The following MALRD1 variants were observed in gnomAD, a reference collection of about 807,000 sequenced individuals.
MALRD1 encodes the protein MAM and LDL receptor class A domain containing 1.
A neutral mutation model predicts 242.1 loss-of-function variants in MALRD1; 247 were observed. That is an observed-to-expected ratio of 1.02 (90% CI 0.92 to 1.13). The LOEUF is 1.13. MALRD1 is among the 50% of genes most tolerant of loss of function. The pLI is 0.00. For synonymous variants in MALRD1, 995 were observed against 866.6 expected (o/e 1.15, Z -2.60); for missense variants, 2,989 against 2,533.1 (o/e 1.18, Z -3.86).
At chr10:19,707,315 T>G (rs1589426057) in intron 38 of MALRD1, among the ~76,000 whole-genome samples, 1 of 152,142 alleles carries the variant, frequency 6.6e-6, no homozygotes, top group South Asian at 2.1e-4. Context: ...TCACTTATGA[T>G]TTCACTTTAT....
At chr10:19,298,722 A>G (rs1388265988) in intron 21 of MALRD1, among the ~76,000 whole-genome samples, 1 of 152,044 alleles carries the variant, frequency 6.6e-6, no homozygotes, top group Admixed American at 6.6e-5. Flanking sequence ...GCTCAGCAGC[A>G]TGAGCGGGTG....
At position 19,211,684 on chromosome 10, in the gene MALRD1, C is replaced by CAAA. The variant is rs71387056; in HGVS notation, c.2991+2036_2991+2038dup. Among the ~76,000 whole-genome samples the CAAA allele has an allele frequency of 2.4e-3, 164 of 67,366 alleles. 4 individuals carry two copies. The highest frequency in any genetic ancestry group is 0.017 in the Middle Eastern group (1 of 58). The allele number at this position is 67,366 out of a possible 152,430, so 44.2% of individuals were successfully genotyped here. On this transcript the variant is annotated intron_variant, in intron 18 of 39. Coordinates refer to ENST00000454679, the MANE Select transcript of MALRD1 (RefSeq NM_001142308.3). ...CTGGGCAACAAAGCATGACTCCTCACAAAAAAAAAAAAAAAAAAAAAAAAA... is the reference window on the plus strand; with the variant it reads ...CTGGGCAACAAAGCATGACTCCTCACAAAAAAAAAAAAAAAAAAAAAAAAAAAA...
chr10:19,088,228 A>G, intron 4 of MALRD1, 43 bp downstream of exon 4: 10 of 1,227,826 alleles, frequency 8.1e-6, no homozygotes, highest in Non-Finnish European at 1.0e-5. Context: ...GAAGAAAAAT[A>G]AGATACAGAT....
intron 1 of MALRD1, among the ~76,000 whole-genome samples, chr10:19,055,995 A>G: frequency 6.6e-6 from 1 of 152,192 alleles, no homozygotes; most frequent in South Asian, 2.1e-4. Flanking sequence ...ACCTAAAATT[A>G]GAGTTAAAAA....
chr10:19,381,884 A>G (rs910971818), intron 26 of MALRD1, among the ~76,000 whole-genome samples: 49 of 152,112 alleles, frequency 3.2e-4, no homozygotes, highest in African/African-American at 1.1e-3. Flanking sequence ...ATTATAGAAC[A>G]AAAAGCAACA....
intron 14 of MALRD1, among the ~76,000 whole-genome samples, chr10:19,193,624 C>T (rs554926444): frequency 5.9e-5 from 9 of 152,170 alleles, no homozygotes; most frequent in African/African-American, 2.2e-4. Context: ...AATGCAATTG[C>T]ACTTGATTTG....
At position 19,530,437 on chromosome 10, in the gene MALRD1, TAA is replaced by T. The variant is rs1340125858; in HGVS notation, c.5321-756_5321-755del. On this transcript the variant is annotated intron_variant, in intron 31 of 39. Transcript: ENST00000454679. ...TATAATAATAAATATATAATATATA[TAA>T]TATATAATATATAATATATAATAAT... Among the ~76,000 whole-genome samples the T allele has an allele frequency of 4.8e-3, 189 of 39,518 alleles. 2 individuals are homozygous for T. Among genetic ancestry groups the T allele is most frequent in the African/African-American group, 0.011 (183 of 16,998 alleles). The allele number at this position is 39,518 out of a possible 152,430, so 25.9% of individuals were successfully genotyped here. A position where few individuals can be genotyped will look rare whatever the true frequency, so the allele number is the denominator to read the frequency against.
intron 31 of MALRD1, among the ~76,000 whole-genome samples, chr10:19,520,517 A>G (rs1192976136): frequency 6.6e-6 from 1 of 152,256 alleles, no homozygotes; most frequent in African/African-American, 2.4e-5. Flanking sequence ...CCATCAAAAA[A>G]GAAATCCAGG....
intron 21 of MALRD1, among the ~76,000 whole-genome samples, chr10:19,293,239 T>G (rs957991969): frequency 2.0e-5 from 3 of 152,128 alleles, no homozygotes; most frequent in African/African-American, 7.2e-5. Context: ...AAGCAAGTGG[T>G]GCAAACAGCT....
intron 36 of MALRD1, among the ~76,000 whole-genome samples, chr10:19,671,031 A>C (rs1428593196): frequency 6.6e-6 from 1 of 152,072 alleles, no homozygotes; most frequent in East Asian, 1.9e-4. Context: ...GGCACCCGCC[A>C]CCACGCCTGG....
intron 26 of MALRD1, among the ~76,000 whole-genome samples, chr10:19,356,079 G>C (rs928126661): frequency 7.9e-5 from 12 of 151,574 alleles, no homozygotes; most frequent in Middle Eastern, 3.5e-3. Context: ...AGGTCTTCTA[G>C]AAATGGCTCC....
intron 36 of MALRD1, among the ~76,000 whole-genome samples, chr10:19,672,549 G>A (rs1253500090): frequency 6.0e-5 from 9 of 151,054 alleles, no homozygotes; most frequent in African/African-American, 2.2e-4. Flanking sequence ...TCAGCTTCCC[G>A]AGTAGCTGGT....
At chr10:19,720,645 C>T (rs116901241) in intron 38 of MALRD1, among the ~76,000 whole-genome samples, 3,380 of 152,234 alleles carry the variant, frequency 0.022, 55 homozygotes, top group Non-Finnish European at 0.031. Flanking sequence ...TTTTCCTGTT[C>T]TCAGATTCCC....
intron 24 of MALRD1, among the ~76,000 whole-genome samples, chr10:19,341,516 GTATATATGTATATA>G (rs1564577236): frequency 3.0e-5 from 4 of 133,102 alleles, no homozygotes; most frequent in South Asian, 2.4e-4. Context: ...ATATATGTGT[GTATATATGTATATA>G]TATACACACA....
chr10:19,125,290 TTTCC>T (rs202203495), intron 7 of MALRD1, among the ~76,000 whole-genome samples: 12,287 of 66,930 alleles, frequency 0.18, 1,724 homozygotes, highest in African/African-American at 0.21. Flanking sequence ...TCTTTCTTTC[TTTCC>T]TTCCTTCCTT....
intron 26 of MALRD1, among the ~76,000 whole-genome samples, chr10:19,384,556 TTA>T (rs1245941222): frequency 8.3e-6 from 1 of 121,040 alleles, no homozygotes; most frequent in East Asian, 2.1e-4. Flanking sequence ...ATATTATATA[TTA>T]TATAGTGTAT....
At chr10:19,670,859 T>C (rs577827243) in intron 36 of MALRD1, among the ~76,000 whole-genome samples, 89 of 152,120 alleles carry the variant, frequency 5.9e-4, no homozygotes, top group African/African-American at 2.1e-3. Flanking sequence ...ATAATATCTT[T>C]ATTTCTCAAC....
At chr10:19,240,571 C>T (rs1838718329) in intron 18 of MALRD1, among the ~76,000 whole-genome samples, 1 of 152,002 alleles carries the variant, frequency 6.6e-6, no homozygotes, top group African/African-American at 2.4e-5. Flanking sequence ...TTTCTTTTGT[C>T]TAATTGCTCT....
At chr10:19,063,252 G>A (rs917390890) in intron 1 of MALRD1, among the ~76,000 whole-genome samples, 17 of 152,142 alleles carry the variant, frequency 1.1e-4, no homozygotes, top group Admixed American at 3.3e-4. Flanking sequence ...CCTGTAAGAG[G>A]AAGAAAAATG....
Sources: allele counts gnomAD v4.1 joint callset (sites outside exome capture counted in the v4.1 genomes callset), GRCh38; gene constraint gnomAD v4.1.1; transcripts MANE v1.5; gene names NCBI Gene and HGNC (gene_info 2026-07-23, HGNC 2026-07-21).